The following LGALSL variants were observed in gnomAD, a reference collection of about 807,000 sequenced individuals.
LGALSL encodes galectin-related protein.
A neutral mutation model predicts 19.5 loss-of-function variants in LGALSL; 13 were observed. The ratio of observed to expected loss-of-function variants is 0.67; its 90% CI spans 0.43 to 1.06. The LOEUF (loss-of-function observed/expected upper bound fraction) is 1.06. Ranked by LOEUF, LGALSL falls within the 50% of genes least tolerant of loss-of-function variation. LGALSL has a pLI of 0.00. For missense variants in LGALSL, 189 were observed against 219.3 expected, an observed-to-expected ratio of 0.86 and a Z score of 0.87; for synonymous variants, 86 against 78.3, an observed-to-expected ratio of 1.10 and a Z score of -0.52.
chr2:64,460,773 A>C lies in LGALSL; in HGVS notation c.*2345A>C, dbSNP rs574930480. On this transcript the variant is annotated 3_prime_UTR_variant, in exon 5 of 5. Coordinates refer to ENST00000238875, the MANE Select transcript of LGALSL (RefSeq NM_014181.3). ...ACCCTCTCCTGGGCCTGTAAGGTCTAAGGTGAGAATTTCAGGATGGAAAAT... is the reference window on the plus strand; with the variant it reads ...ACCCTCTCCTGGGCCTGTAAGGTCTCAGGTGAGAATTTCAGGATGGAAAAT... The C allele has an allele frequency of 6.6e-6, 1 of 152,202 alleles. No individual in the cohort carries two copies. The highest frequency in any genetic ancestry group is 6.5e-5 in the Admixed American group (1 of 15,290). The allele number at this position is 152,202 out of a possible 1,614,324, so 9.4% of individuals were successfully genotyped here.
Position 64,455,876 on chromosome 2 carries a change from G to T in LGALSL, c.197+199G>T, listed in dbSNP as rs140358327. 3.2e-3 allele frequency among the ~76,000 whole-genome samples: 482 copies of T among 151,648 alleles called. 1 individual carries two copies. Among genetic ancestry groups the T allele is most frequent in the Non-Finnish European group, 5.7e-3 (388 of 67,982 alleles). ...TCTCCAGACAGCTATTTATATCAGA[G>T]ATTATAAATATAGGCCCACATTTTC... On this transcript the variant is annotated intron_variant, in intron 3 of 4. Transcript: ENST00000238875.
Position 64,454,349 on chromosome 2 carries a change from C to T in LGALSL, c.-197C>T. ...TTCGCCCTCCCAGCTCGCGCTGCCT[C>T]CCTCCCCTCCCCTCCTCCCAGGCTC... On this transcript the variant is annotated 5_prime_UTR_variant, in exon 1 of 5. Transcript: ENST00000238875. This position sits in a 1 kb window ranked among gnomAD's most constrained non-coding sequence, Gnocchi z 5.1. 1 of 391,570 alleles carries T rather than the reference C, an allele frequency of 2.6e-6. No homozygotes were observed. The highest frequency in any genetic ancestry group is 4.5e-6 in the Non-Finnish European group (1 of 222,366). The allele number at this position is 391,570 out of a possible 1,614,324, so 24.3% of individuals were successfully genotyped here.
rs998945129 is a variant in LGALSL, at chr2:64,458,764, A to G, written c.*336A>G. ...GCTAAAGACACTTAAAAAGCCAACA[A>G]CAACGGTACAGTGAAATCAATGCAT... is the stretch of plus-strand genomic sequence containing the variant. On this transcript the variant is annotated 3_prime_UTR_variant, in exon 5 of 5. Transcript: ENST00000238875. 5.1e-6 allele frequency: 1 copy of G among 196,806 alleles called. No homozygotes were observed. Among genetic ancestry groups the G allele is most frequent in the Non-Finnish European group, 1.0e-5 (1 of 97,774 alleles). The allele number at this position is 196,806 out of a possible 1,614,324, so 12.2% of individuals were successfully genotyped here. A position where few individuals can be genotyped will look rare whatever the true frequency, so the allele number is the denominator to read the frequency against.
chr2:64,458,202 C>A (rs1686766415), intron 4 of LGALSL, 83 bp from the exon 5 acceptor site: 29 of 1,306,766 alleles, frequency 2.2e-5, no homozygotes, highest in Non-Finnish European at 2.9e-5. Context: ...AAGATACTGC[C>A]TTTCTTTCTC....
Position 64,454,555 on chromosome 2 carries a change from T to G in LGALSL, c.10T>G (p.Ser4Ala), listed in dbSNP as rs1374023995. The G allele has an allele frequency of 1.0e-5, 15 of 1,447,770 alleles. No homozygotes were observed. Among genetic ancestry groups the G allele is most frequent in the African/African-American group, 2.9e-5 (2 of 67,802 alleles). 89.7% of individuals were successfully genotyped at this position (1,447,770 alleles called of 1,614,324 possible). MAG[S>A]VADSDAVVKL... ...CGCGCCGGGCAAGAAGATGGCGGGA[T>G]CAGTGGCCGACAGCGATGCCGTGGT... The change falls in exon 1 of 5, where the codon TCA (serine) becomes GCA (alanine). Residue 4 changes from serine (S) to alanine (A), a missense_variant. Ser to Ala is a moderately conservative substitution (Grantham distance 99, BLOSUM62 1). Around this residue, in one of 3 missense-constraint regions of LGALSL, gnomAD observed 62 missense variants for 49.0 expected, o/e 1.27. Transcript: ENST00000238875. This position sits in a 1 kb window ranked among gnomAD's most constrained non-coding sequence, Gnocchi z 5.1.
Position 64,454,913 on chromosome 2 carries a change from C to T in LGALSL, c.36+332C>T, listed in dbSNP as rs1198025063. Among the ~76,000 whole-genome samples, 1 of 152,174 alleles carries T rather than the reference C, an allele frequency of 6.6e-6. No individual in the cohort carries two copies. The highest frequency in any genetic ancestry group is 2.4e-5 in the African/African-American group (1 of 41,452). On this transcript the variant is annotated intron_variant, in intron 1 of 4. Transcript: ENST00000238875. The surrounding 1 kb of genome is among the most constrained non-coding windows in gnomAD (Gnocchi z 5.1). ...CGGGGCGCGCGCCCCGCCACCGCCC[C>T]CGACGTACCGGGGATTCCCCCTTGG...
chr2:64,458,462 G>A lies in LGALSL; in HGVS notation c.*34G>A. The stretch of plus-strand genomic sequence containing the variant: ...ACCTCTATTTCAAATAGGATCACGT[G>A]CCACAACTATCTGACTGTTGGTCTG... On this transcript the variant is annotated 3_prime_UTR_variant, in exon 5 of 5. Transcript: ENST00000238875. 4 of 1,594,032 alleles carry A rather than the reference G, an allele frequency of 2.5e-6. No individual in the cohort carries two copies. The highest frequency in any genetic ancestry group is 3.4e-6 in the Non-Finnish European group (4 of 1,166,430).
At position 64,456,345 on chromosome 2, in the gene LGALSL, C is replaced by T. The variant is rs188688424; in HGVS notation, c.255C>T (p.Ile85=). The T allele has an allele frequency of 1.1e-5, 17 of 1,612,314 alleles. No individual in the cohort carries two copies. In the East Asian group the frequency reaches 2.5e-4, roughly 23 times the overall value. ...AAGACCCTCCTGCCGATGTGGCAAT[C>T]GAACTCAAAGCTGTGTTCACAGATC... is the stretch of plus-strand genomic sequence containing the variant. ...DSEDPPADVA[I]ELKAVFTDRQ... is the part of the protein sequence containing the mutation. The change falls in exon 4 of 5, where the codon ATC becomes ATT. Residue 85 remains isoleucine, a synonymous_variant. Coordinates refer to ENST00000238875, the MANE Select transcript of LGALSL (RefSeq NM_014181.3).
At chr2:64,455,300 A>T (rs1199969551) in intron 1 of LGALSL, 44 bp from the exon 2 acceptor site, 1 of 1,371,804 alleles carries the variant, frequency 7.3e-7, no homozygotes, top group East Asian at 2.3e-5. Flanking sequence ...CAGCCCCCCA[A>T]AAAAGAGCCC....
intron 2 of LGALSL, 33 bp downstream of exon 2, chr2:64,455,448 C>A: frequency 1.9e-6 from 3 of 1,551,910 alleles, no homozygotes; most frequent in Non-Finnish European, 1.8e-6. Flanking sequence ...TCTGCCTGTA[C>A]CTTCCTCCTT....
chr2:64,456,787 C>T (rs1686743762), intron 4 of LGALSL, among the ~76,000 whole-genome samples: 1 of 152,114 alleles, frequency 6.6e-6, no homozygotes, highest in African/African-American at 2.4e-5. Flanking sequence ...ATTGATTAAT[C>T]AATACTAAGT....
rs41284841 is a variant in LGALSL, at chr2:64,455,422, G to C, written c.108+7G>C. ...CGTGTACTTCCCACGACTGGTAAAT[G>C]ATTTTGCTCTGTGTCTCTGCCTGTA... On this transcript the variant is annotated splice_region_variant and intron_variant, in intron 2 of 4. Transcript: ENST00000238875. 40,312 of 1,609,998 alleles carry C rather than the reference G, an allele frequency of 0.025. 716 individuals carry two copies. The highest frequency in any genetic ancestry group is 0.027 in the Non-Finnish European group (31,244 of 1,176,208).
Position 64,458,919 on chromosome 2 carries a change from CATA to C in LGALSL, c.*494_*496del, listed in dbSNP as rs1686777282. 1 of 152,346 alleles carries C rather than the reference CATA, an allele frequency of 6.6e-6. No homozygotes were observed. The highest frequency in any genetic ancestry group is 1.5e-5 in the Non-Finnish European group (1 of 68,240). The allele number at this position is 152,346 out of a possible 1,614,324, so 9.4% of individuals were successfully genotyped here. On this transcript the variant is annotated 3_prime_UTR_variant, in exon 5 of 5. Coordinates refer to ENST00000238875, the MANE Select transcript of LGALSL (RefSeq NM_014181.3). The stretch of plus-strand genomic sequence containing the variant: ...TTGTTTTTGTTTTTGTTTTGCACAG[CATA>C]ATGTTAATTCAGATTGTTGAAGCTT...
At position 64,454,812 on chromosome 2, in the gene LGALSL, T is replaced by A. The variant is rs1015612470; in HGVS notation, c.36+231T>A. 1.3e-5 allele frequency among the ~76,000 whole-genome samples: 2 copies of A among 150,526 alleles called. No individual in the cohort carries two copies. The highest frequency in any genetic ancestry group is 2.0e-4 in the East Asian group (1 of 4,952). ...GGCTGGGGAGGGAGTTTGGGGAGGATGGCGGGTAGGGACGCCCGACAGCCC... is the reference window on the plus strand; with the variant it reads ...GGCTGGGGAGGGAGTTTGGGGAGGAAGGCGGGTAGGGACGCCCGACAGCCC... On this transcript the variant is annotated intron_variant, in intron 1 of 4. Transcript: ENST00000238875. The surrounding 1 kb of genome is among the most constrained non-coding windows in gnomAD (Gnocchi z 5.1).
rs1686698031 is a variant in LGALSL at position 64,454,527 on chromosome 2, C to G, written c.-19C>G. 8.5e-6 allele frequency: 12 copies of G among 1,413,708 alleles called. No individual in the cohort carries two copies. Among genetic ancestry groups the G allele is most frequent in the Non-Finnish European group, 9.3e-6 (10 of 1,078,466 alleles). The allele number at this position is 1,413,708 out of a possible 1,614,324, so 87.6% of individuals were successfully genotyped here. On this transcript the variant is annotated 5_prime_UTR_variant, in exon 1 of 5. Transcript: ENST00000238875. The surrounding 1 kb of genome is among the most constrained non-coding windows in gnomAD (Gnocchi z 5.1). ...CCCGCGCGCCGCGTCCCACGTACCC[C>G]GCCGCGCCGGGCAAGAAGATGGCGG... is the stretch of plus-strand genomic sequence containing the variant.
intron 4 of LGALSL, 50 bp downstream of exon 4, chr2:64,456,515 T>A (rs533038104): frequency 7.0e-7 from 1 of 1,423,606 alleles, no homozygotes; most frequent in African/African-American, 1.5e-5. Context: ...CTGATAATGT[T>A]CGACTTACCT....
At chr2:64,458,029 G>A (rs1196625623) in intron 4 of LGALSL, among the ~76,000 whole-genome samples, 4 of 152,124 alleles carry the variant, frequency 2.6e-5, no homozygotes, top group Non-Finnish European at 2.9e-5. Flanking sequence ...ACCCATCATA[G>A]CACACTACCA....
At position 64,454,618 on chromosome 2, in the gene LGALSL, C is replaced by G; in HGVS notation, c.36+37C>G. The G allele has an allele frequency of 7.4e-7, 1 of 1,357,294 alleles. No homozygotes were observed. 84.1% of individuals were successfully genotyped at this position (1,357,294 alleles called of 1,614,324 possible). A position where few individuals can be genotyped will look rare whatever the true frequency, so the allele number is the denominator to read the frequency against. ...AGGGCGCGCGCGAGGCGCCCCTCCC[C>G]GCCGTCCCGCACTCCGCCGCCGCCT... On this transcript the variant is annotated intron_variant, in intron 1 of 4. Coordinates refer to ENST00000238875, the MANE Select transcript of LGALSL (RefSeq NM_014181.3). The surrounding 1 kb of genome is among the most constrained non-coding windows in gnomAD (Gnocchi z 5.1).
In LGALSL at chr2:64,454,582, G is replaced by A; in HGVS notation, c.36+1G>A. The A allele has an allele frequency of 6.9e-7, 1 of 1,449,486 alleles. No homozygotes were observed. The highest frequency in any genetic ancestry group is 9.1e-7 in the Non-Finnish European group (1 of 1,098,006). The allele number at this position is 1,449,486 out of a possible 1,614,324, so 89.8% of individuals were successfully genotyped here. ...AGTGGCCGACAGCGATGCCGTGGTG[G>A]TGAGTGTGGCAGGGCGCGCGCGAGG... On this transcript the variant is annotated splice_donor_variant, in intron 1 of 4. Transcript: ENST00000238875. LOFTEE classifies it high-confidence loss of function. The surrounding 1 kb of genome is among the most constrained non-coding windows in gnomAD (Gnocchi z 5.1).
Sources: gnomAD v4.1 joint callset for allele counts (sites outside exome capture counted in the v4.1 genomes callset) on GRCh38, gnomAD v4.1.1 for gene constraint, gnomAD v4.1.1 regional missense constraint, Gnocchi (gnomAD v3.1) non-coding constraint, MANE v1.5 for transcripts, NCBI Gene and HGNC (gene_info 2026-07-23, HGNC 2026-07-21) for gene names.